SCML2: variants seen among roughly 807,000 people sequenced by gnomAD.
SCML2 encodes the protein sex comb on midleg-like protein 2.
Under a neutral mutation model 48.4 loss-of-function variants are expected in SCML2, and 6 were observed. The observed-to-expected ratio is 0.12, with a 90% CI of 0.07 to 0.24. The LOEUF (loss-of-function observed/expected upper bound fraction) is 0.24, where lower values mean the gene tolerates loss of function less well. Ranked by LOEUF, SCML2 falls within the 10% of genes least tolerant of loss-of-function variation. The pLI is 1.00. For synonymous variants in SCML2, 181 were observed against 189.5 expected, an observed-to-expected ratio of 0.95 and a Z score of 0.37; for missense variants, 377 against 528.2, an observed-to-expected ratio of 0.71 and a Z score of 2.81.
intron 1 of SCML2, among the ~76,000 whole-genome samples, chrX:18,346,588 G>A (rs747177978): frequency 8.9e-6 from 1 of 112,136 alleles, no homozygotes; most frequent in East Asian, 2.8e-4. Context: ...ATTTACCAGA[G>A]ATTAATTAAA....
chrX:18,344,834 T>C (rs764693531), intron 1 of SCML2, among the ~76,000 whole-genome samples: 35 of 111,082 alleles, frequency 3.2e-4, no homozygotes, highest in Admixed American at 5.8e-4. Context: ...ATATACCAGA[T>C]ACCCTAGACA....
intron 6 of SCML2, among the ~76,000 whole-genome samples, chrX:18,309,744 C>A (rs1928886677): frequency 9.0e-6 from 1 of 111,203 alleles, no homozygotes; most frequent in African/African-American, 3.3e-5. Flanking sequence ...AAGAGGTGAA[C>A]AACAAACACC....
chrX:18,292,546 A>G (rs1227189350), intron 7 of SCML2, among the ~76,000 whole-genome samples: 2 of 111,456 alleles, frequency 1.8e-5, no homozygotes, highest in Admixed American at 9.6e-5. Flanking sequence ...AGAAAGCAGA[A>G]TATACACAAT....
intron 7 of SCML2, among the ~76,000 whole-genome samples, chrX:18,296,511 A>G (rs182813105): frequency 9.0e-6 from 1 of 111,519 alleles, no homozygotes; most frequent in East Asian, 2.8e-4. Context: ...AAAGAAGGCC[A>G]AAGGCAGAGA....
At chrX:18,285,734 T>C (rs775983336) in intron 7 of SCML2, among the ~76,000 whole-genome samples, 1 of 111,785 alleles carries the variant, frequency 8.9e-6, no homozygotes, top group Non-Finnish European at 1.9e-5. Context: ...CTCAAAAAAA[T>C]TGAGTTTTTT....
At chrX:18,311,849 G>A (rs1287602676) in intron 6 of SCML2, among the ~76,000 whole-genome samples, 1 of 111,970 alleles carries the variant, frequency 8.9e-6, no homozygotes, top group Non-Finnish European at 1.9e-5. Flanking sequence ...GGAGTGTAGT[G>A]TCGCAATCTC....
chrX:18,285,040 C>CAAAA (rs542089776), intron 7 of SCML2, among the ~76,000 whole-genome samples: 2 of 53,934 alleles, frequency 3.7e-5, no homozygotes, highest in Admixed American at 2.5e-4. Flanking sequence ...AACTCCGCCT[C>CAAAA]AAAAAAAAAA....
At chrX:18,303,559 C>T (rs182756017) in intron 7 of SCML2, among the ~76,000 whole-genome samples, 66 of 112,205 alleles carry the variant, frequency 5.9e-4, no homozygotes, top group African/African-American at 2.1e-3. Flanking sequence ...ACCTCCACAT[C>T]TAGCATACAT....
chrX:18,310,584 AT>A (rs762741761), intron 6 of SCML2, among the ~76,000 whole-genome samples: 342 of 107,706 alleles, frequency 3.2e-3, no homozygotes, highest in African/African-American at 0.011. Context: ...TATTTTATTT[AT>A]TTTTTTTCAT....
chrX:18,299,981 C>T (rs915462835), intron 7 of SCML2, among the ~76,000 whole-genome samples: 1 of 110,863 alleles, frequency 9.0e-6, no homozygotes, highest in Non-Finnish European at 1.9e-5. Context: ...TTCAAGCAAT[C>T]CTCCCACCTC....
At chrX:18,298,384 CA>C (rs1377529171) in intron 7 of SCML2, among the ~76,000 whole-genome samples, 1 of 111,786 alleles carries the variant, frequency 8.9e-6, no homozygotes, top group Non-Finnish European at 1.9e-5. Context: ...CTATAGTAAC[CA>C]AAACAGCATG....
chrX:18,325,238 GCA>G (rs1222362290), intron 3 of SCML2, among the ~76,000 whole-genome samples: 2 of 111,815 alleles, frequency 1.8e-5, no homozygotes, highest in Non-Finnish European at 3.8e-5. Flanking sequence ...GTGGACTACA[GCA>G]CAGTGATTCT....
At chrX:18,320,525 G>T in intron 5 of SCML2, 105 bp from the exon 6 acceptor site, 1 of 452,301 alleles carries the variant, frequency 2.2e-6, no homozygotes, top group Non-Finnish European at 3.7e-6. Context: ...TCGAGAGAAT[G>T]ACTTTCTTAT....
At chrX:18,292,615 C>T (rs1387275101) in intron 7 of SCML2, among the ~76,000 whole-genome samples, 1 of 110,474 alleles carries the variant, frequency 9.1e-6, no homozygotes, top group Non-Finnish European at 1.9e-5. Context: ...ATCCTATATA[C>T]AAATATATTC....
At chrX:18,308,241 C>T (rs1423651470) in intron 6 of SCML2, among the ~76,000 whole-genome samples, 35 of 90,988 alleles carry the variant, frequency 3.8e-4, no homozygotes, top group Non-Finnish European at 6.5e-4. Flanking sequence ...GCCTGGGCAA[C>T]GGAGTGAGAT....
At chrX:18,257,998 G>C (rs375694397) in intron 10 of SCML2, 46 bp downstream of exon 10, 18 of 814,461 alleles carry the variant, frequency 2.2e-5, no homozygotes, top group Non-Finnish European at 3.1e-5. Flanking sequence ...AAGGGGGAAG[G>C]GAAGGGGGAA....
chrX:18,276,421 G>A (rs905303618), intron 7 of SCML2, among the ~76,000 whole-genome samples: 7 of 111,794 alleles, frequency 6.3e-5, no homozygotes, highest in Non-Finnish European at 1.3e-4. Flanking sequence ...ATATATGTGA[G>A]TGGAATTGGT....
At chrX:18,279,231 T>C (rs921967311) in intron 7 of SCML2, among the ~76,000 whole-genome samples, 11 of 112,716 alleles carry the variant, frequency 9.8e-5, no homozygotes, top group Non-Finnish European at 1.7e-4. Context: ...TCAAGTGCCA[T>C]CTACTGGATC....
intron 9 of SCML2, among the ~76,000 whole-genome samples, chrX:18,259,760 A>G (rs114387858): frequency 0.038 from 4,317 of 112,221 alleles, 217 homozygotes; most frequent in African/African-American, 0.13. Context: ...AAAGGAAAAA[A>G]AAGTCCAGGG....
Sources: allele counts gnomAD v4.1 joint callset (sites outside exome capture counted in the v4.1 genomes callset), GRCh38; gene constraint gnomAD v4.1.1; transcripts MANE v1.5; gene names NCBI Gene and HGNC (gene_info 2026-07-23, HGNC 2026-07-21).